Variants in VPS50 observed in about 807,000 individuals in gnomAD.
The protein encoded by VPS50 is syndetin.
In VPS50, 70 loss-of-function variants were observed where a neutral mutation model predicts 139.7. The observed-to-expected ratio is 0.50, with a 90% CI of 0.41 to 0.61. The LOEUF is 0.61. VPS50 is among the 20% of genes least tolerant of loss of function. The pLI, the probability that VPS50 is intolerant of heterozygous loss-of-function variation, is 0.00. For synonymous variants in VPS50, 365 were observed against 376.7 expected, an observed-to-expected ratio of 0.97 and a Z score of 0.36; for missense variants, 921 against 1,133.7, an observed-to-expected ratio of 0.81 and a Z score of 2.69.
chr7:93,350,336 T>C (rs1259465476), intron 25 of VPS50, among the ~76,000 whole-genome samples: 3 of 152,208 alleles, frequency 2.0e-5, no homozygotes, highest in African/African-American at 7.2e-5. Context: ...GATATTTCTG[T>C]TTAATTAGAA....
intron 21 of VPS50, among the ~76,000 whole-genome samples, chr7:93,324,964 C>G (rs1026220386): frequency 6.6e-6 from 1 of 151,980 alleles, no homozygotes; most frequent in African/African-American, 2.4e-5. Context: ...TCATATGGAA[C>G]CAAAAAAGAG....
chr7:93,283,440 T>A (rs1796389821), intron 12 of VPS50, among the ~76,000 whole-genome samples: 1 of 152,084 alleles, frequency 6.6e-6, no homozygotes, highest in Admixed American at 6.6e-5. Context: ...TTCACCATGT[T>A]GGTCAGGCTG....
At chr7:93,358,118 A>G (rs1329523312) in intron 27 of VPS50, among the ~76,000 whole-genome samples, 199 bp from the exon 28 acceptor site, 1 of 152,144 alleles carries the variant, frequency 6.6e-6, no homozygotes, top group South Asian at 2.1e-4. Context: ...AATGTGTACT[A>G]TAGTATTCTT....
intron 21 of VPS50, among the ~76,000 whole-genome samples, chr7:93,326,825 C>A (rs930346994): frequency 6.6e-6 from 1 of 152,046 alleles, no homozygotes; most frequent in Admixed American, 6.6e-5. Context: ...TAACTACATT[C>A]ATTATATAAA....
chr7:93,311,020 A>G (rs908584519), intron 19 of VPS50, 146 bp from the exon 20 acceptor site: 6 of 582,826 alleles, frequency 1.0e-5, no homozygotes, highest in Non-Finnish European at 1.8e-5. Flanking sequence ...TAAATTTTAT[A>G]AGAAGTTAAT....
In VPS50 at chr7:93,341,521, C is replaced by T; in HGVS notation, c.2153C>T (p.Thr718Ile). Residue 718 changes from threonine to isoleucine, a missense_variant, in exon 23 of 28, where the codon ACA (threonine) becomes ATA (isoleucine). Thr to Ile is a moderately conservative substitution (Grantham distance 89). This residue lies in a region of VPS50 where 744 missense variants were observed against 930.6 expected (regional missense o/e 0.80). Coordinates refer to ENST00000305866, the MANE Select transcript of VPS50 (RefSeq NM_017667.4). ...SPHLSHLVVLTSGDTLYGLAE... is the reference protein window; with the variant it reads ...SPHLSHLVVLISGDTLYGLAE... ...CACCTCAGTCACCTAGTGGTTTTGA[C>T]ATCTGGGGATACGCTGTATGGGTTG... 1 of 1,612,114 alleles carries T rather than the reference C, an allele frequency of 6.2e-7. No individual in the cohort carries two copies.
chr7:93,260,425 T>G (rs934064637), intron 9 of VPS50, among the ~76,000 whole-genome samples: 3 of 152,178 alleles, frequency 2.0e-5, no homozygotes, highest in African/African-American at 7.2e-5. Flanking sequence ...CTCTCCTATA[T>G]GGAAATTCTG....
intron 21 of VPS50, among the ~76,000 whole-genome samples, chr7:93,328,790 A>G (rs933180798): frequency 6.6e-6 from 1 of 152,300 alleles, no homozygotes; most frequent in Middle Eastern, 3.4e-3. Context: ...AACACTGAAA[A>G]TAGTGGAGGA....
intron 22 of VPS50, among the ~76,000 whole-genome samples, chr7:93,334,496 C>T (rs73417374): frequency 0.053 from 7,989 of 152,140 alleles, 510 homozygotes; most frequent in African/African-American, 0.15. Context: ...TGCTAGGCTT[C>T]GAAGACCAGG....
intron 10 of VPS50, among the ~76,000 whole-genome samples, chr7:93,272,225 T>G (rs1459322229): frequency 2.0e-5 from 3 of 151,832 alleles, no homozygotes; most frequent in Non-Finnish European, 4.4e-5. Context: ...GTAGTTTTGT[T>G]GAGAATTCCT....
chr7:93,323,672 G>T lies in VPS50; in HGVS notation c.1917G>T (p.Met639Ile). Residue 639 changes from methionine to isoleucine, a missense_variant, in exon 21 of 28, where the codon ATG becomes ATT. Transcript: ENST00000305866. ...TTGCCTTTGATGTTATTCATTTCATGTCTCAACTATTTGATTATTACTTGT... is the reference window on the plus strand; with the variant it reads ...TTGCCTTTGATGTTATTCATTTCATTTCTCAACTATTTGATTATTACTTGT... Reference protein sequence around the residue: ...KPIAFDVIHFMSQLFDYYLYA... With the variant: ...KPIAFDVIHFISQLFDYYLYA... The T allele has an allele frequency of 1.4e-6, 2 of 1,380,660 alleles. No homozygotes were observed. Among genetic ancestry groups the T allele is most frequent in the East Asian group, 2.6e-5 (1 of 38,518 alleles). The allele number at this position is 1,380,660 out of a possible 1,614,324, so 85.5% of individuals were successfully genotyped here.
At position 93,322,599 on chromosome 7, in the gene VPS50, C is replaced by CAAAA. The variant is rs71528064; in HGVS notation, c.1856-992_1856-989dup. On this transcript the variant is annotated intron_variant, in intron 20 of 27. Transcript: ENST00000305866. ...TGGGCGACAGAGCGAGACTCCGTCT[C>CAAAA]AAAAAAAAAAAAAAAAAAAAAAATA... Among the ~76,000 whole-genome samples the CAAAA allele has an allele frequency of 1.3e-3, 87 of 66,060 alleles. 1 individual carries two copies. The highest frequency in any genetic ancestry group is 4.2e-3 in the African/African-American group (75 of 17,838). 43.3% of individuals were successfully genotyped at this position (66,060 alleles called of 152,430 possible).
chr7:93,333,404 T>A (rs1797990129), intron 21 of VPS50, among the ~76,000 whole-genome samples: 1 of 152,218 alleles, frequency 6.6e-6, no homozygotes, highest in Non-Finnish European at 1.5e-5. Flanking sequence ...CTCTTAATAA[T>A]GTTTTAAATT....
chr7:93,264,171 C>T (rs921116959), intron 9 of VPS50, among the ~76,000 whole-genome samples: 3 of 152,144 alleles, frequency 2.0e-5, no homozygotes, highest in Admixed American at 6.5e-5. Context: ...GTGGCACTTC[C>T]TCTGCACCTG....
chr7:93,234,925 G>A (rs191399784), intron 1 of VPS50, among the ~76,000 whole-genome samples: 96 of 142,604 alleles, frequency 6.7e-4, no homozygotes, highest in Admixed American at 2.3e-3. Flanking sequence ...ATTTGTGCCA[G>A]GTACTATTCT....
chr7:93,322,597 C>CT (rs1797648764), intron 20 of VPS50, among the ~76,000 whole-genome samples: 1 of 82,688 alleles, frequency 1.2e-5, no homozygotes, highest in Non-Finnish European at 2.0e-5. Context: ...GAGACTCCGT[C>CT]TCAAAAAAAA....
At chr7:93,277,975 C>G (rs1796208367) in intron 12 of VPS50, among the ~76,000 whole-genome samples, 1 of 151,880 alleles carries the variant, frequency 6.6e-6, no homozygotes, top group African/African-American at 2.4e-5. Flanking sequence ...ATTATGTTAG[C>G]AATTTTTTTC....
rs71107889 is a variant in VPS50, at chr7:93,236,937, C to CTTTTTTTTTTTTT, written c.34-2909_34-2897dup. Among the ~76,000 whole-genome samples, 31 of 31,066 alleles carry CTTTTTTTTTTTTT rather than the reference C, an allele frequency of 1.0e-3. 4 individuals carry two copies. The highest frequency in any genetic ancestry group is 2.6e-3 in the Admixed American group (5 of 1,944). The allele number at this position is 31,066 out of a possible 152,430, so 20.4% of individuals were successfully genotyped here. ...CTCACATACATGACCTCTTTTACTT[C>CTTTTTTTTTTTTT]TTTTTTTTTTTTTTTTTTTTTTTTT... On this transcript the variant is annotated intron_variant, in intron 1 of 27. Transcript: ENST00000305866.
chr7:93,295,374 C>T (rs932814009), intron 14 of VPS50: 16 of 152,120 alleles, frequency 1.1e-4, no homozygotes, highest in African/African-American at 3.9e-4. Flanking sequence ...AGGGCTCTAC[C>T]TTCACGATTT....
Sources: gnomAD v4.1 joint callset for allele counts (sites outside exome capture counted in the v4.1 genomes callset) on GRCh38, gnomAD v4.1.1 for gene constraint, gnomAD v4.1.1 regional missense constraint, MANE v1.5 for transcripts, NCBI Gene and HGNC (gene_info 2026-07-23, HGNC 2026-07-21) for gene names.